The following LRRC36 variants were observed in gnomAD, a reference collection of about 807,000 sequenced individuals.
LRRC36 encodes leucine rich repeat containing 36, also known as leucine-rich repeat-containing protein 36.
LRRC36 carries 62 observed loss-of-function variants against 81.1 expected under a neutral mutation model. The observed-to-expected ratio is 0.76, with a 90% confidence interval of 0.62 to 0.94. The LOEUF (loss-of-function observed/expected upper bound fraction) is 0.94, where lower values mean the gene tolerates loss of function less well. Ranked by LOEUF, LRRC36 falls within the 40% of genes least tolerant of loss-of-function variation. The probability of loss-of-function intolerance (pLI) is 0.00; values close to 1 mark genes in which losing one functional copy is unlikely to be tolerated. For synonymous variants in LRRC36, 334 were observed against 348.6 expected (o/e 0.96, Z 0.47); for missense variants, 761 against 881.7 (o/e 0.86, Z 1.73).
At chr16:67,338,464 A>G (rs796304261) in intron 1 of LRRC36, among the ~76,000 whole-genome samples, 19 of 152,306 alleles carry the variant, frequency 1.2e-4, no homozygotes, top group African/African-American at 4.1e-4. Context: ...GGAATATTTT[A>G]ATAGTCTTTC....
At chr16:67,368,760 C>T (rs571340558) in intron 8 of LRRC36, among the ~76,000 whole-genome samples, 6 of 152,104 alleles carry the variant, frequency 3.9e-5, no homozygotes, top group Non-Finnish European at 5.9e-5. Context: ...TTGGAATCAG[C>T]GTAACAGATG....
chr16:67,361,718 G>A (rs1018223035), intron 5 of LRRC36, among the ~76,000 whole-genome samples: 3 of 151,830 alleles, frequency 2.0e-5, no homozygotes, highest in South Asian at 2.1e-4. Context: ...GATTACAGGC[G>A]CCCACGCCTG....
At chr16:67,357,910 T>G (rs2038971574) in intron 5 of LRRC36, among the ~76,000 whole-genome samples, 1 of 152,198 alleles carries the variant, frequency 6.6e-6, no homozygotes, top group African/African-American at 2.4e-5. Flanking sequence ...TTTTCTCTGT[T>G]ATTACAAATA....
At chr16:67,337,824 G>C (rs1036654197) in intron 1 of LRRC36, among the ~76,000 whole-genome samples, 1 of 151,958 alleles carries the variant, frequency 6.6e-6, no homozygotes, top group African/African-American at 2.4e-5. Context: ...AGGGCTGGGC[G>C]TGGTGGTTCC....
At chr16:67,348,400 ATAAG>A (rs1268226928) in intron 4 of LRRC36, 1 of 152,220 alleles carries the variant, frequency 6.6e-6, no homozygotes, top group Admixed American at 6.5e-5. Context: ...AAGGGATAAA[ATAAG>A]TAATTCATAA....
chr16:67,362,386 C>T, intron 5 of LRRC36: 1 of 287,950 alleles, frequency 3.5e-6, no homozygotes, highest in Non-Finnish European at 7.0e-6. Context: ...TGGTCTCAAA[C>T]TCCTGACCTC....
chr16:67,367,299 G>A lies in LRRC36; in HGVS notation c.1037G>A (p.Ser346Asn), dbSNP rs1031910545. 11 of 1,614,026 alleles carry A rather than the reference G, an allele frequency of 6.8e-6. No homozygotes were observed. The Admixed American group carries it at 1.3e-4, about 20-fold the overall frequency. The change falls in exon 8 of 14, where the codon AGT becomes AAT. Residue 346 changes from serine (S) to asparagine (N), a missense_variant. Ser to Asn is a conservative substitution (Grantham distance 46). Around this residue, in one of 3 missense-constraint regions of LRRC36, gnomAD observed 139 missense variants for 214.0 expected, o/e 0.65. Transcript: ENST00000329956. ...CYSQTLSLHG[S>N]LGKRPQRSKN... ...TCTCAAACTCTATCCCTGCATGGAA[G>A]TCTTGGTAAAAGGCCTCAGAGAAGC...
At chr16:67,365,618 TTTA>T (rs2039349439) in intron 7 of LRRC36, among the ~76,000 whole-genome samples, 1 of 152,182 alleles carries the variant, frequency 6.6e-6, no homozygotes, top group Non-Finnish European at 1.5e-5. Context: ...TTCTTTTGTA[TTTA>T]TTATTTTTTA....
At chr16:67,350,130 A>G in intron 4 of LRRC36, 72 bp from the exon 5 acceptor site, 1 of 1,022,568 alleles carries the variant, frequency 9.8e-7, no homozygotes, top group Admixed American at 2.2e-5. Flanking sequence ...TGCTTTCTAA[A>G]TAGCATTTAC....
intron 13 of LRRC36, among the ~76,000 whole-genome samples, chr16:67,382,757 G>A (rs1299226551): frequency 6.6e-6 from 1 of 152,182 alleles, no homozygotes; most frequent in Non-Finnish European, 1.5e-5. Context: ...GCCGAGGCAG[G>A]TGGATCACGA....
chr16:67,363,019 G>A (rs2142089396), intron 5 of LRRC36, among the ~76,000 whole-genome samples: 1 of 152,220 alleles, frequency 6.6e-6, no homozygotes, highest in East Asian at 1.9e-4. Flanking sequence ...CTAACCTCAA[G>A]TGATCTGCCC....
chr16:67,379,004 A>G (rs9934738), intron 12 of LRRC36, among the ~76,000 whole-genome samples: 6,821 of 152,330 alleles, frequency 0.045, 503 homozygotes, highest in African/African-American at 0.16. Context: ...CACCAAGAAC[A>G]TGTTCTTTAT....
Position 67,346,310 on chromosome 16 carries a change from C to T in LRRC36, c.253C>T (p.Pro85Ser), listed in dbSNP as rs762633680. 3.7e-6 allele frequency: 6 copies of T among 1,611,568 alleles called. No homozygotes were observed. In the African/African-American group the frequency reaches 6.7e-5, roughly 18 times the overall value. ...QDLNLYYNNIPSLVEVSRLQP... is the reference protein window; with the variant it reads ...QDLNLYYNNISSLVEVSRLQP... ...CCTGAATTTATATTATAACAACATT[C>T]CTTCATTAGTGGAAGTGTCCCGTCT... The change falls in exon 3 of 14, where the codon CCT becomes TCT. Residue 85 changes from proline (P) to serine (S), a missense_variant. Pro to Ser is a moderately conservative substitution (Grantham distance 74). Coordinates refer to ENST00000329956, the MANE Select transcript of LRRC36 (RefSeq NM_018296.6).
intron 4 of LRRC36, among the ~76,000 whole-genome samples, chr16:67,349,836 C>T (rs2038533572): frequency 6.6e-6 from 1 of 152,056 alleles, no homozygotes; most frequent in Non-Finnish European, 1.5e-5. Flanking sequence ...TCTCAGCTCA[C>T]TGCAACCTCT....
At chr16:67,334,881 C>T (rs1354407875) in intron 1 of LRRC36, among the ~76,000 whole-genome samples, 1 of 152,012 alleles carries the variant, frequency 6.6e-6, no homozygotes, top group Non-Finnish European at 1.5e-5. Flanking sequence ...CCGTGATGCC[C>T]CCTGAGCCAT....
At chr16:67,347,417 A>G (rs1597448451) in intron 3 of LRRC36, 78 bp from the exon 4 acceptor site, 1 of 1,591,286 alleles carries the variant, frequency 6.3e-7, no homozygotes, top group African/African-American at 1.4e-5. Context: ...TCCTCTGCGA[A>G]TATGGTTTTC....
At chr16:67,374,065 G>A (rs2039778952) in intron 9 of LRRC36, among the ~76,000 whole-genome samples, 2 of 152,112 alleles carry the variant, frequency 1.3e-5, no homozygotes, top group South Asian at 4.2e-4. Context: ...GCACGGTGGT[G>A]CACACCTGTA....
In LRRC36 at chr16:67,385,088, A is replaced by T; in HGVS notation, c.2264A>T (p.Ter755LeuextTer2). Residue 755 changes from the stop codon to leucine, a stop_lost, in exon 14 of 14, where the codon TAG becomes TTG. Coordinates refer to ENST00000329956, the MANE Select transcript of LRRC36 (RefSeq NM_018296.6). ...VLDAAPEPGL[*>L] is the part of the protein sequence containing the mutation. The stretch of plus-strand genomic sequence containing the variant: ...GATGCTGCCCCAGAGCCTGGCTTAT[A>T]GAGCTAGCATGGAACTCACACCACA... The T allele has an allele frequency of 1.9e-6, 3 of 1,612,648 alleles. No homozygotes were observed. The highest frequency in any genetic ancestry group is 1.3e-5 in the African/African-American group (1 of 75,034).
chr16:67,384,960 G>T lies in LRRC36; in HGVS notation c.2136G>T (p.Lys712Asn). ...GGAAAGCGCTCCTGCCTCCTGAGAA[G>T]GGTCATCATCTGGGGAGATCATCGC... is the stretch of plus-strand genomic sequence containing the variant. ...YSGKALLPPEKGHHLGRSSPF... is the reference protein window; with the variant it reads ...YSGKALLPPENGHHLGRSSPF... The change falls in exon 14 of 14, where the codon AAG (lysine) becomes AAT (asparagine). Residue 712 changes from lysine to asparagine, a missense_variant. Lys to Asn is a moderately conservative substitution (Grantham distance 94). Transcript: ENST00000329956. 6.2e-7 allele frequency: 1 copy of T among 1,614,212 alleles called. No individual in the cohort carries two copies. The highest frequency in any genetic ancestry group is 1.1e-5 in the South Asian group (1 of 91,088).
Sources: allele counts gnomAD v4.1 joint callset (sites outside exome capture counted in the v4.1 genomes callset), GRCh38; gene constraint gnomAD v4.1.1; regional missense constraint gnomAD v4.1.1; transcripts MANE v1.5; gene names NCBI Gene and HGNC (gene_info 2026-07-23, HGNC 2026-07-21).